NEBL: variants seen among roughly 807,000 people sequenced by gnomAD.
NEBL encodes the protein nebulette, also known as LIM and SH3 protein 2.
NEBL carries 122 observed loss-of-function variants against 140.2 expected under a neutral mutation model. That is an observed-to-expected ratio of 0.87 (90% CI 0.75 to 1.01). The LOEUF is 1.01. Among genes scored for constraint, NEBL ranks in the 50% least tolerant of loss-of-function variants. The pLI is 0.00. For synonymous variants in NEBL, 436 were observed against 398.9 expected, an observed-to-expected ratio of 1.09 and a Z score of -1.11; for missense variants, 1,365 against 1,231.3, an observed-to-expected ratio of 1.11 and a Z score of -1.62.
At chr10:21,256,625 G>A (rs1842663005) in intron 1 of NEBL, among the ~76,000 whole-genome samples, 1 of 152,190 alleles carries the variant, frequency 6.6e-6, no homozygotes, top group South Asian at 2.1e-4. Context: ...GAGGCCAGGA[G>A]TTCGAGACCA....
chr10:20,799,872 G>A (rs11816129), intron 26 of NEBL, among the ~76,000 whole-genome samples: 6,166 of 152,106 alleles, frequency 0.041, 392 homozygotes, highest in African/African-American at 0.14. Context: ...ATACATATAC[G>A]TGGTAAAATG....
intron 3 of NEBL, among the ~76,000 whole-genome samples, chr10:20,968,458 C>A (rs1836427929): frequency 1.3e-5 from 2 of 152,140 alleles, no homozygotes. Context: ...CTGCAGTGAG[C>A]TATGTTCACA....
chr10:20,970,207 C>G (rs1401266364), intron 3 of NEBL, among the ~76,000 whole-genome samples: 1 of 152,170 alleles, frequency 6.6e-6, no homozygotes, highest in African/African-American at 2.4e-5. Flanking sequence ...AGCGGATAAG[C>G]TGTAAGATGT....
At chr10:21,250,553 A>G (rs1275481982) in intron 2 of NEBL, among the ~76,000 whole-genome samples, 1 of 152,094 alleles carries the variant, frequency 6.6e-6, no homozygotes, top group Non-Finnish European at 1.5e-5. Flanking sequence ...CCCTAATACA[A>G]TTTATGTTTC....
At chr10:21,050,305 G>T (rs931963264) in intron 2 of NEBL, among the ~76,000 whole-genome samples, 1 of 151,786 alleles carries the variant, frequency 6.6e-6, no homozygotes, top group Non-Finnish European at 1.5e-5. Context: ...TTCTCAATTC[G>T]GTAATCTTTC....
At chr10:21,249,915 T>C (rs1024352226) in intron 2 of NEBL, among the ~76,000 whole-genome samples, 5 of 151,910 alleles carry the variant, frequency 3.3e-5, no homozygotes, top group African/African-American at 9.7e-5. Flanking sequence ...AATATAAAAA[T>C]TGACTGGGTG....
At position 20,980,064 on chromosome 10, in the gene NEBL, AC is replaced by A. The variant is rs1440759454; in HGVS notation, c.250-18286del. Among the ~76,000 whole-genome samples, 51 of 134,774 alleles carry A rather than the reference AC, an allele frequency of 3.8e-4. No individual in the cohort carries two copies. In the East Asian group the frequency reaches 8.1e-3, roughly 21 times the overall value. 88.4% of individuals were successfully genotyped at this position (134,774 alleles called of 152,430 possible). On this transcript the variant is annotated intron_variant, in intron 3 of 6. Transcript: ENST00000417816. ...GTCTCATTTCCACAAAAAAAAAAAA[AC>A]AAACCATAAAATTCACCATGAGATG...
chr10:21,081,411 A>G (rs1836363219), intron 2 of NEBL, among the ~76,000 whole-genome samples: 2 of 152,172 alleles, frequency 1.3e-5, no homozygotes, highest in South Asian at 2.1e-4. Context: ...AAGTAAACAC[A>G]TAGAAAAAAC....
At chr10:20,878,743 G>A (rs575839613) in intron 5 of NEBL, among the ~76,000 whole-genome samples, 1 of 152,318 alleles carries the variant, frequency 6.6e-6, no homozygotes, top group African/African-American at 2.4e-5. Context: ...TGCAAAGGTT[G>A]AGTCAAGTCG....
At position 20,943,997 on chromosome 10, in the gene NEBL, C is replaced by T. The variant is rs79751788; in HGVS notation, c.357+17675G>A. Among the ~76,000 whole-genome samples, 44 of 152,272 alleles carry T rather than the reference C, an allele frequency of 2.9e-4. No individual in the cohort carries two copies. In the South Asian group the frequency reaches 3.5e-3, roughly 12 times the overall value. ...TCTGGTCTGTTTAATGAACAAGAGG[C>T]GGTTAAGTTTTGGAGTCAAAGTTAG... On this transcript the variant is annotated intron_variant, in intron 4 of 6. Coordinates refer to the NEBL transcript ENST00000417816.
chr10:21,174,112 G>C (rs1036540197), exon 1 of NEBL: 4 of 844,444 alleles, frequency 4.7e-6, no homozygotes, highest in Non-Finnish European at 5.8e-6. Context: ...CTCCAGGTAC[G>C]GGTGACTCAC....
chr10:20,833,762 A>C (rs1840637278), intron 14 of NEBL, among the ~76,000 whole-genome samples: 1 of 152,092 alleles, frequency 6.6e-6, no homozygotes, highest in African/African-American at 2.4e-5. Flanking sequence ...TCTCAAAAAA[A>C]AAAAAAAAGA....
chr10:21,202,461 C>CTTTTTTTTTTTT lies in NEBL; in HGVS notation n.349-29996_349-29985dup, dbSNP rs35623208. Among the ~76,000 whole-genome samples, 80 of 117,266 alleles carry CTTTTTTTTTTTT rather than the reference C, an allele frequency of 6.8e-4. 1 individual carries two copies. Among genetic ancestry groups the CTTTTTTTTTTTT allele is most frequent in the African/African-American group, 1.6e-3 (46 of 29,366 alleles). 76.9% of individuals were successfully genotyped at this position (117,266 alleles called of 152,430 possible). On this transcript the variant is annotated intron_variant and non_coding_transcript_variant, in intron 3 of 8. Transcript: ENST00000675702. ...ACCTTCTAATTTTTCTTTTCTTTTT[C>CTTTTTTTTTTTT]TTTTTTTTTTTTTTTTTTTTGAAAC...
At position 20,896,999 on chromosome 10, in the gene NEBL, T is replaced by G. The variant is rs201152066; in HGVS notation, c.112A>C (p.Ser38Arg). The G allele has an allele frequency of 6.8e-6, 11 of 1,614,038 alleles. No individual in the cohort carries two copies. Among genetic ancestry groups the G allele is most frequent in the Non-Finnish European group, 9.3e-6 (11 of 1,179,990 alleles). Reference sequence around the variant, plus strand: ...GTGCATTTTCTGGCCAATTCCATGCTTAAGTCTTCAATAACAGGCTTATAG... The same window carrying G: ...GTGCATTTTCTGGCCAATTCCATGCGTAAGTCTTCAATAACAGGCTTATAG... ...VFYKPVIEDL[S>R]MELARKCTEL... The change falls in exon 2 of 28, where the codon AGC (serine) becomes CGC (arginine). Residue 38 changes from serine (S) to arginine (R), a missense_variant. Physicochemically the swap from Ser to Arg is moderately radical, Grantham distance 110. Transcript: ENST00000377122.
chr10:21,106,370 T>G (rs922093181), intron 2 of NEBL, among the ~76,000 whole-genome samples: 9 of 152,118 alleles, frequency 5.9e-5, no homozygotes, highest in African/African-American at 1.9e-4. Context: ...GTATATGGTG[T>G]AAGGAAGGGA....
chr10:21,281,675 G>T (rs375387755), intron 1 of NEBL, among the ~76,000 whole-genome samples: 2 of 151,830 alleles, frequency 1.3e-5, no homozygotes, highest in East Asian at 1.9e-4. Flanking sequence ...AACATATCAC[G>T]ATCACCTGGA....
intron 4 of NEBL, among the ~76,000 whole-genome samples, chr10:20,950,142 T>C (rs1250321591): frequency 6.6e-6 from 1 of 152,232 alleles, no homozygotes; most frequent in Non-Finnish European, 1.5e-5. Flanking sequence ...GTCTGCTGCC[T>C]GTCAGGCTAA....
At chr10:21,291,952 T>G (rs538472094) in intron 1 of NEBL, among the ~76,000 whole-genome samples, 1 of 152,270 alleles carries the variant, frequency 6.6e-6, no homozygotes, top group East Asian at 1.9e-4. Flanking sequence ...TGTTTTACAA[T>G]TAAACCCATA....
intron 9 of NEBL, among the ~76,000 whole-genome samples, chr10:20,857,384 T>A (rs1367607809): frequency 6.6e-6 from 1 of 152,332 alleles, no homozygotes; most frequent in Non-Finnish European, 1.5e-5. Flanking sequence ...TCTTCATTTT[T>A]TCTCATGTCT....
Sources: gnomAD v4.1 joint callset for allele counts (sites outside exome capture counted in the v4.1 genomes callset) on GRCh38, gnomAD v4.1.1 for gene constraint, MANE v1.5 for transcripts, NCBI Gene and HGNC (gene_info 2026-07-23, HGNC 2026-07-21) for gene names.